SPTBN4: variants seen among roughly 807,000 people sequenced by gnomAD.
SPTBN4 encodes spectrin beta chain, non-erythrocytic 4.
SPTBN4 carries 96 observed loss-of-function variants against 277.8 expected under a neutral mutation model. That is an observed-to-expected ratio of 0.35 (90% CI 0.29 to 0.41). SPTBN4 has a LOEUF of 0.41. Among genes scored for constraint, SPTBN4 ranks in the 10% least tolerant of loss-of-function variants. The pLI is 1.00. For missense variants in SPTBN4, 3,006 were observed against 3,595.7 expected, an observed-to-expected ratio of 0.84 and a Z score of 4.19; for synonymous variants, 1,481 against 1,580.3, an observed-to-expected ratio of 0.94 and a Z score of 1.49.
At chr19:40,487,628 A>C in intron 2 of SPTBN4, 69 bp from the exon 3 acceptor site, 1 of 1,548,916 alleles carries the variant, frequency 6.5e-7, no homozygotes, top group Non-Finnish European at 8.7e-7. Flanking sequence ...GGGTCTGAGC[A>C]GGCTTGGCTC....
chr19:40,471,612 G>T (rs765846123), intron 1 of SPTBN4, among the ~76,000 whole-genome samples: 5 of 152,146 alleles, frequency 3.3e-5, no homozygotes, highest in African/African-American at 9.7e-5. Flanking sequence ...TCGCCATATT[G>T]CCCAGTTTGG....
intron 20 of SPTBN4, among the ~76,000 whole-genome samples, chr19:40,535,703 C>T (rs186980056): frequency 1.2e-4 from 19 of 152,212 alleles, no homozygotes; most frequent in Admixed American, 2.6e-4. Context: ...GAGGCCGAGG[C>T]GGGCGGATCA....
chr19:40,557,394 C>T lies in SPTBN4; in HGVS notation c.5661C>T (p.Leu1887=), dbSNP rs758495579. The change falls in exon 26 of 36, where the codon CTC becomes CTT. Residue 1887 remains leucine (L), a synonymous_variant. Transcript: ENST00000598249. ...CCTTTGAGCATGACCTGCAGCTCCTCGTGTCCCAGGTGGGGCGCCGGTGGC... is the reference window on the plus strand; with the variant it reads ...CCTTTGAGCATGACCTGCAGCTCCTTGTGTCCCAGGTGGGGCGCCGGTGGC... The part of the protein sequence containing the change: ...LRAFEHDLQL[L]VSQVRQLQEG... 2.2e-5 allele frequency: 35 copies of T among 1,563,828 alleles called. No individual in the cohort carries two copies. Among genetic ancestry groups the T allele is most frequent in the Non-Finnish European group, 2.8e-5 (32 of 1,150,752 alleles).
intron 24 of SPTBN4, among the ~76,000 whole-genome samples, chr19:40,555,765 C>A (rs562932501): frequency 2.0e-5 from 3 of 151,858 alleles, no homozygotes; most frequent in East Asian, 1.9e-4. Flanking sequence ...ACAAAGAAAT[C>A]AAAAAGTTAG....
At chr19:40,529,444 C>G (rs2080637099) in intron 18 of SPTBN4, among the ~76,000 whole-genome samples, 1 of 152,338 alleles carries the variant, frequency 6.6e-6, no homozygotes. Context: ...GAGAATCGCT[C>G]TACCCCAGGA....
At chr19:40,495,745 A>G (rs2080190078) in intron 6 of SPTBN4, among the ~76,000 whole-genome samples, 1 of 152,116 alleles carries the variant, frequency 6.6e-6, no homozygotes, top group Non-Finnish European at 1.5e-5. Context: ...ACGGATTCAT[A>G]CCTTGGGGCC....
rs956153403 is a variant in SPTBN4, at chr19:40,504,011, G to A, written c.1544G>A (p.Arg515His). 5 of 1,614,000 alleles carry A rather than the reference G, an allele frequency of 3.1e-6. No individual in the cohort carries two copies. Among genetic ancestry groups the A allele is most frequent in the Admixed American group, 1.7e-5 (1 of 60,004 alleles). Residue 515 changes from arginine to histidine, a missense_variant, in exon 12 of 36, where the codon CGC (arginine) becomes CAC (histidine). Arg to His is a conservative substitution (Grantham distance 29, BLOSUM62 0). Coordinates refer to ENST00000598249, the MANE Select transcript of SPTBN4 (RefSeq NM_020971.3). ...GCAGCCCAGCGTGACAGCGTCCTGC[G>A]CCAGTGGGCCCTGCTAACTGGGCTT... is the stretch of plus-strand genomic sequence containing the variant. ...RVAAQRDSVLRQWALLTGLVG... is the reference protein window; with the variant it reads ...RVAAQRDSVLHQWALLTGLVG...
At chr19:40,526,819 C>T (rs1277976453) in intron 17 of SPTBN4, among the ~76,000 whole-genome samples, 2 of 152,124 alleles carry the variant, frequency 1.3e-5, no homozygotes, top group African/African-American at 4.8e-5. Flanking sequence ...AACTCCTGGG[C>T]TCAAGCAATC....
chr19:40,567,945 C>T lies in SPTBN4; in HGVS notation c.6619C>T (p.Leu2207=). The T allele has an allele frequency of 9.3e-6, 14 of 1,511,784 alleles. No homozygotes were observed. Among genetic ancestry groups the T allele is most frequent in the Non-Finnish European group, 1.2e-5 (14 of 1,135,120 alleles). The allele number at this position is 1,511,784 out of a possible 1,614,324, so 93.6% of individuals were successfully genotyped here. ...EIPGRVEPAA[L]PAAPEDAAET... ...CCCGGGGAGGGTGGAGCCCGCGGCCCTGCCGGCCGCACCAGAGGACGCGGC... is the reference window on the plus strand; with the variant it reads ...CCCGGGGAGGGTGGAGCCCGCGGCCTTGCCGGCCGCACCAGAGGACGCGGC... The change falls in exon 31 of 36, where the codon CTG becomes TTG. Residue 2207 remains leucine, a synonymous_variant. Coordinates refer to ENST00000598249, the MANE Select transcript of SPTBN4 (RefSeq NM_020971.3).
At chr19:40,553,562 A>C (rs186275380) in intron 22 of SPTBN4, among the ~76,000 whole-genome samples, 1 of 152,338 alleles carries the variant, frequency 6.6e-6, no homozygotes, top group Admixed American at 6.5e-5. Flanking sequence ...AAAGTTAAAA[A>C]AGACTCACAA....
Position 40,490,004 on chromosome 19 carries a change from G to A in SPTBN4, c.322-71G>A. The stretch of plus-strand genomic sequence containing the variant: ...CCACGGGAGGCGGGCTTCTTTGGAA[G>A]CTGCGGGGCCGAGGGCGCCATACTC... On this transcript the variant is annotated intron_variant, in intron 3 of 35. Transcript: ENST00000598249. This position sits in a 1 kb window ranked among gnomAD's most constrained non-coding sequence, Gnocchi z 4.3. The A allele has an allele frequency of 1.4e-6, 2 of 1,446,478 alleles. No homozygotes were observed. The highest frequency in any genetic ancestry group is 1.8e-6 in the Non-Finnish European group (2 of 1,093,732). The allele number at this position is 1,446,478 out of a possible 1,614,324, so 89.6% of individuals were successfully genotyped here. A position where few individuals can be genotyped will look rare whatever the true frequency, so the allele number is the denominator to read the frequency against.
Position 40,490,261 on chromosome 19 carries a change from T to G in SPTBN4, c.495+13T>G. ...CCTGCGCTTCCAGGTGACCCTCGAGTGGCCCCTGCCAAGCCCCGCAACATG... is the reference window on the plus strand; with the variant it reads ...CCTGCGCTTCCAGGTGACCCTCGAGGGGCCCCTGCCAAGCCCCGCAACATG... On this transcript the variant is annotated intron_variant, in intron 4 of 35. Transcript: ENST00000598249. This position sits in a 1 kb window ranked among gnomAD's most constrained non-coding sequence, Gnocchi z 4.3. 6.2e-7 allele frequency: 1 copy of G among 1,610,070 alleles called. No homozygotes were observed. The highest frequency in any genetic ancestry group is 8.5e-7 in the Non-Finnish European group (1 of 1,177,560).
intron 20 of SPTBN4, among the ~76,000 whole-genome samples, chr19:40,536,088 G>A (rs1168519294): frequency 1.3e-5 from 2 of 152,128 alleles, no homozygotes; most frequent in Admixed American, 6.6e-5. Context: ...CATTCTGGTT[G>A]GGGGAACAAG....
In SPTBN4 at chr19:40,515,919, A is replaced by G. The variant is rs2080449958; in HGVS notation, c.2903+471A>G. On this transcript the variant is annotated intron_variant, in intron 15 of 35. Coordinates refer to ENST00000598249, the MANE Select transcript of SPTBN4 (RefSeq NM_020971.3). This position sits in a 1 kb window ranked among gnomAD's most constrained non-coding sequence, Gnocchi z 4.1. Reference sequence around the variant, plus strand: ...ACACACAAAATATATATATACACACACATATATATACACACATATATACGT... The same window carrying G: ...ACACACAAAATATATATATACACACGCATATATATACACACATATATACGT... Among the ~76,000 whole-genome samples the G allele has an allele frequency of 8.9e-6, 1 of 112,470 alleles. No homozygotes were observed. The highest frequency in any genetic ancestry group is 1.7e-5 in the Non-Finnish European group (1 of 57,152). 73.8% of individuals were successfully genotyped at this position (112,470 alleles called of 152,430 possible). A position where few individuals can be genotyped will look rare whatever the true frequency, so the allele number is the denominator to read the frequency against.
At position 40,512,803 on chromosome 19, in the gene SPTBN4, G is replaced by A; in HGVS notation, c.2014G>A (p.Gly672Ser). 6.8e-7 allele frequency: 1 copy of A among 1,463,104 alleles called. No homozygotes were observed. The highest frequency in any genetic ancestry group is 1.4e-5 in the South Asian group (1 of 73,596). 90.6% of individuals were successfully genotyped at this position (1,463,104 alleles called of 1,614,324 possible). The change falls in exon 14 of 36, where the codon GGC becomes AGC. Residue 672 changes from glycine (G) to serine (S), a missense_variant. Transcript: ENST00000598249. ...GGAGCGTCTCCTGGAGGCTGCGGGC[G>A]GCGGCGGTGCGGCGGGCGCAGCGGG... is the stretch of plus-strand genomic sequence containing the variant. ...DKERLLEAAGGGGAAGAAGAA... is the reference protein window; with the variant it reads ...DKERLLEAAGSGGAAGAAGAA...
intron 4 of SPTBN4, among the ~76,000 whole-genome samples, chr19:40,492,030 C>CA (rs1461910694): frequency 2.2e-5 from 3 of 136,760 alleles, no homozygotes; most frequent in African/African-American, 9.6e-5. Flanking sequence ...CTAAAAAAAA[C>CA]AAAAACAAAA....
chr19:40,495,194 A>G (rs11672523), intron 6 of SPTBN4, among the ~76,000 whole-genome samples: 12,457 of 152,212 alleles, frequency 0.082, 685 homozygotes, highest in Middle Eastern at 0.14. Flanking sequence ...TCCAGGCCAC[A>G]TACCCTGTGC....
In SPTBN4 at chr19:40,559,283, A is replaced by G. The variant is rs138241323; in HGVS notation, c.5671-876A>G. On this transcript the variant is annotated intron_variant, in intron 26 of 35. Transcript: ENST00000598249. ...ACTTAGAAATCAGGCTGAGAGATTC[A>G]TAGTAATAAGTGGTGGATCTGTTAG... Among the ~76,000 whole-genome samples, 486 of 152,248 alleles carry G rather than the reference A, an allele frequency of 3.2e-3. 2 individuals are homozygous for G. The highest frequency in any genetic ancestry group is 0.011 in the African/African-American group (446 of 41,554).
intron 2 of SPTBN4, among the ~76,000 whole-genome samples, chr19:40,485,242 C>G (rs929825251): frequency 4.6e-5 from 7 of 152,168 alleles, no homozygotes; most frequent in African/African-American, 1.2e-4. Context: ...CTCCACCTCC[C>G]TGGTTCAAGC....
Sources: gnomAD v4.1 joint callset for allele counts (sites outside exome capture counted in the v4.1 genomes callset) on GRCh38, gnomAD v4.1.1 for gene constraint, Gnocchi (gnomAD v3.1) non-coding constraint, MANE v1.5 for transcripts, NCBI Gene and HGNC (gene_info 2026-07-23, HGNC 2026-07-21) for gene names.